The following PSD3 variants were observed in gnomAD, a reference collection of about 807,000 sequenced individuals.
PSD3 encodes the protein PH and SEC7 domain-containing protein 3.
PSD3 carries 49 observed loss-of-function variants against 105.5 expected under a neutral mutation model. The ratio of observed to expected loss-of-function variants is 0.46; its 90% CI spans 0.37 to 0.59. PSD3 has a LOEUF of 0.59. Among genes scored for constraint, PSD3 ranks in the 20% least tolerant of loss-of-function variants. The pLI is 0.00. For synonymous variants in PSD3, 557 were observed against 457.8 expected, an observed-to-expected ratio of 1.22 and a Z score of -2.77; for missense variants, 1,561 against 1,263.8, an observed-to-expected ratio of 1.24 and a Z score of -3.57.
chr8:18,553,425 A>G (rs1164782659), intron 15 of PSD3, among the ~76,000 whole-genome samples: 1 of 152,254 alleles, frequency 6.6e-6, no homozygotes, highest in Admixed American at 6.5e-5. Context: ...TGTTAAAACA[A>G]TGAATACTAA....
intron 1 of PSD3, among the ~76,000 whole-genome samples, chr8:19,037,225 G>A (rs149401245): frequency 6.6e-6 from 1 of 152,382 alleles, no homozygotes; most frequent in Non-Finnish European, 1.5e-5. Context: ...TCTGACCTGA[G>A]AAAGGTCTGC....
rs145070549 is a variant in PSD3, at chr8:18,628,833, T to C, written c.2410+3780A>G. Among the ~76,000 whole-genome samples the C allele has an allele frequency of 4.3e-3, 645 of 151,748 alleles. 4 individuals carry two copies. Among genetic ancestry groups the C allele is most frequent in the African/African-American group, 0.015 (617 of 41,428 alleles). Reference sequence around the variant, plus strand: ...TAAAGAAGTACAGCAAACAGGCCAATAGTGACAAAAAACAGAACCACACAC... The same window carrying C: ...TAAAGAAGTACAGCAAACAGGCCAACAGTGACAAAAAACAGAACCACACAC... On this transcript the variant is annotated intron_variant, in intron 11 of 15. Transcript: ENST00000327040.
At chr8:18,996,569 C>T (rs1484386348) in intron 1 of PSD3, among the ~76,000 whole-genome samples, 2 of 151,844 alleles carry the variant, frequency 1.3e-5, no homozygotes, top group Admixed American at 1.3e-4. Flanking sequence ...TTAAATTACA[C>T]CAAAGGTCCT....
chr8:18,831,460 G>C (rs1179996207), intron 4 of PSD3, among the ~76,000 whole-genome samples: 1 of 152,202 alleles, frequency 6.6e-6, no homozygotes, highest in East Asian at 1.9e-4. Context: ...CGTGGCTCAT[G>C]CCTGTAATCC....
chr8:18,543,475 A>G (rs1159855844), intron 15 of PSD3, among the ~76,000 whole-genome samples: 3 of 152,062 alleles, frequency 2.0e-5, no homozygotes, highest in African/African-American at 4.8e-5. Context: ...AAAATTAGCC[A>G]GGCGTGGTGG....
intron 15 of PSD3, among the ~76,000 whole-genome samples, chr8:18,548,569 T>C (rs1031236053): frequency 3.3e-5 from 5 of 152,320 alleles, no homozygotes; most frequent in East Asian, 3.9e-4. Context: ...ATTCTTACAC[T>C]GTACGTGTTC....
chr8:19,072,006 G>C (rs1196368370), intron 1 of PSD3, among the ~76,000 whole-genome samples: 3 of 151,904 alleles, frequency 2.0e-5, no homozygotes, highest in Non-Finnish European at 4.4e-5. Flanking sequence ...CACCATGCCT[G>C]GTCTGCCTTC....
intron 12 of PSD3, among the ~76,000 whole-genome samples, chr8:18,579,111 C>T (rs2130389820): frequency 6.6e-6 from 1 of 151,636 alleles, no homozygotes; most frequent in Non-Finnish European, 1.5e-5. Flanking sequence ...CACACACACA[C>T]ACACACACAC....
At chr8:18,894,742 G>A (rs1385748715) in intron 2 of PSD3, among the ~76,000 whole-genome samples, 1 of 152,096 alleles carries the variant, frequency 6.6e-6, no homozygotes, top group African/African-American at 2.4e-5. Flanking sequence ...TTGACAATCG[G>A]AACTCCCACC....
chr8:18,590,083 G>A (rs76569606), intron 12 of PSD3, among the ~76,000 whole-genome samples: 28,365 of 152,068 alleles, frequency 0.19, 3,352 homozygotes, highest in Non-Finnish European at 0.27. Context: ...AAAAGATACA[G>A]TATAGTTGAA....
At chr8:18,625,705 G>A (rs932292434) in intron 11 of PSD3, among the ~76,000 whole-genome samples, 1 of 152,072 alleles carries the variant, frequency 6.6e-6, no homozygotes, top group Non-Finnish European at 1.5e-5. Flanking sequence ...TCAGATTTTT[G>A]TTCCACCAGA....
At position 18,643,952 on chromosome 8, in the gene PSD3, G is replaced by A. The variant is rs1311446081; in HGVS notation, c.2217-11146C>T. Among the ~76,000 whole-genome samples, 9 of 152,346 alleles carry A rather than the reference G, an allele frequency of 5.9e-5. No homozygotes were observed. The South Asian group carries it at 1.0e-3, about 18-fold the overall frequency. ...CTGTAGCTAGGCCGGCTTACACCACGGCTGGGGTAGCCAAGGAATGCTGTG... is the reference window on the plus strand; with the variant it reads ...CTGTAGCTAGGCCGGCTTACACCACAGCTGGGGTAGCCAAGGAATGCTGTG... On this transcript the variant is annotated intron_variant, in intron 10 of 15. Transcript: ENST00000327040.
At chr8:18,576,632 G>C (rs1802477002) in intron 12 of PSD3, among the ~76,000 whole-genome samples, 1 of 152,074 alleles carries the variant, frequency 6.6e-6, no homozygotes, top group Non-Finnish European at 1.5e-5. Flanking sequence ...ATTTCAACTA[G>C]AGGTAGCATG....
intron 12 of PSD3, among the ~76,000 whole-genome samples, chr8:18,599,555 G>A (rs1804282162): frequency 6.6e-6 from 1 of 152,208 alleles, no homozygotes. Context: ...CATGTGGGAT[G>A]TATTCTAAGA....
chr8:18,626,018 A>G (rs1175254354), intron 11 of PSD3, among the ~76,000 whole-genome samples: 1 of 152,116 alleles, frequency 6.6e-6, no homozygotes, highest in Non-Finnish European at 1.5e-5. Context: ...TGTATCTGAC[A>G]AAACCCAGGA....
chr8:18,627,713 GT>G (rs547589649), intron 11 of PSD3, among the ~76,000 whole-genome samples: 1 of 151,338 alleles, frequency 6.6e-6, no homozygotes, highest in Admixed American at 6.6e-5. Context: ...AAAATCCAGT[GT>G]TTTTTTTAGA....
intron 9 of PSD3, chr8:18,762,769 C>T (rs9792200): frequency 0.052 from 20,483 of 390,772 alleles, 1,798 homozygotes; most frequent in African/African-American, 0.22. Flanking sequence ...TTAATTAAAT[C>T]AACTGAATTG....
At chr8:18,639,747 GC>G (rs1250473187) in intron 10 of PSD3, among the ~76,000 whole-genome samples, 1 of 152,084 alleles carries the variant, frequency 6.6e-6, no homozygotes, top group African/African-American at 2.4e-5. Flanking sequence ...GGTTTTTAAA[GC>G]CCATTTGTGG....
At chr8:18,747,921 G>A (rs1322346330) in intron 9 of PSD3, among the ~76,000 whole-genome samples, 1 of 152,104 alleles carries the variant, frequency 6.6e-6, no homozygotes, top group African/African-American at 2.4e-5. Flanking sequence ...GGAAGAGAAG[G>A]AAGGAAAACA....
Sources: allele counts gnomAD v4.1 joint callset (sites outside exome capture counted in the v4.1 genomes callset), GRCh38; gene constraint gnomAD v4.1.1; transcripts MANE v1.5; gene names NCBI Gene and HGNC (gene_info 2026-07-23, HGNC 2026-07-21).